SLC2A13: variants seen among roughly 807,000 people sequenced by gnomAD.
SLC2A13 encodes the protein solute carrier family 2 member 13, also known as proton myo-inositol cotransporter.
A neutral mutation model predicts 64.4 loss-of-function variants in SLC2A13; 32 were observed. That is an observed-to-expected ratio of 0.50 (90% confidence interval 0.37 to 0.67). The LOEUF is 0.67. SLC2A13 is among the 30% of genes least tolerant of loss of function. The pLI, the probability that SLC2A13 is intolerant of heterozygous loss-of-function variation, is 0.00. For missense variants in SLC2A13, 743 were observed against 829.2 expected, an observed-to-expected ratio of 0.90 and a Z score of 1.28; for synonymous variants, 338 against 327.1, an observed-to-expected ratio of 1.03 and a Z score of -0.36.
Position 39,903,012 on chromosome 12 carries a change from T to G in SLC2A13, c.1035-31051A>C, listed in dbSNP as rs113289149. 7.0e-4 allele frequency among the ~76,000 whole-genome samples: 107 copies of G among 152,284 alleles called. 1 individual carries two copies. The highest frequency in any genetic ancestry group is 2.5e-3 in the African/African-American group (105 of 41,580). ...TCCTTTCTTCAAGGTGATGGAAAGT[T>G]AAATTACTGTGCTCAGGAGATGAGT... On this transcript the variant is annotated intron_variant, in intron 4 of 9. Coordinates refer to ENST00000280871, the MANE Select transcript of SLC2A13 (RefSeq NM_052885.4).
At chr12:39,838,456 C>A (rs1258209070) in intron 6 of SLC2A13, among the ~76,000 whole-genome samples, 2 of 137,892 alleles carry the variant, frequency 1.5e-5, no homozygotes, top group African/African-American at 5.5e-5. Flanking sequence ...CTAACCTGCA[C>A]AATGTGCACA....
At chr12:40,043,230 C>T (rs1948121843) in intron 2 of SLC2A13, among the ~76,000 whole-genome samples, 1 of 152,058 alleles carries the variant, frequency 6.6e-6, no homozygotes, top group Non-Finnish European at 1.5e-5. Flanking sequence ...TATATATTTA[C>T]TGATAAGCCA....
At chr12:39,951,980 CGT>C (rs889271050) in intron 3 of SLC2A13, among the ~76,000 whole-genome samples, 6 of 150,648 alleles carry the variant, frequency 4.0e-5, no homozygotes, top group South Asian at 2.1e-4. Flanking sequence ...TGTGTGTGTA[CGT>C]GTGTGTGTGT....
chr12:40,091,902 GTTTAACT>G (rs1030513740), intron 1 of SLC2A13, among the ~76,000 whole-genome samples: 1 of 152,154 alleles, frequency 6.6e-6, no homozygotes, highest in Non-Finnish European at 1.5e-5. Context: ...CAGGAATTAC[GTTTAACT>G]TTTAACAGAA....
chr12:40,045,958 A>T (rs912731467), intron 2 of SLC2A13, among the ~76,000 whole-genome samples: 3 of 152,206 alleles, frequency 2.0e-5, no homozygotes, highest in African/African-American at 7.2e-5. Context: ...AAGAAAACAG[A>T]TAACACAGAA....
intron 3 of SLC2A13, among the ~76,000 whole-genome samples, chr12:39,954,763 A>G (rs1351610255): frequency 6.6e-6 from 1 of 152,228 alleles, no homozygotes; most frequent in Non-Finnish European, 1.5e-5. Flanking sequence ...CAAAGGCAGG[A>G]AAATACAATT....
chr12:40,093,631 G>A (rs1038806723), intron 1 of SLC2A13, among the ~76,000 whole-genome samples: 2 of 152,174 alleles, frequency 1.3e-5, no homozygotes, highest in Admixed American at 1.3e-4. Context: ...CCGCTAAGAA[G>A]AGATGCTTGA....
chr12:39,990,881 T>C (rs906626334), intron 3 of SLC2A13, among the ~76,000 whole-genome samples: 1 of 152,162 alleles, frequency 6.6e-6, no homozygotes, highest in Non-Finnish European at 1.5e-5. Flanking sequence ...TTAGTCTCAA[T>C]TGTATTCGAT....
intron 4 of SLC2A13, among the ~76,000 whole-genome samples, chr12:39,912,332 G>T (rs538620258): frequency 1.7e-4 from 26 of 151,996 alleles, no homozygotes; most frequent in African/African-American, 6.0e-4. Context: ...ATTCTGTGAG[G>T]ACTATCAATT....
chr12:40,090,954 G>A (rs1294321657), intron 1 of SLC2A13, among the ~76,000 whole-genome samples: 2 of 152,066 alleles, frequency 1.3e-5, no homozygotes, highest in African/African-American at 2.4e-5. Context: ...TAGCCACAGC[G>A]ACACATTCTC....
chr12:40,017,366 A>G (rs1418912929), intron 3 of SLC2A13, among the ~76,000 whole-genome samples: 4 of 152,192 alleles, frequency 2.6e-5, no homozygotes, highest in Non-Finnish European at 5.9e-5. Context: ...ATTCCAATAT[A>G]AGATTACTTC....
intron 2 of SLC2A13, among the ~76,000 whole-genome samples, chr12:40,037,630 C>CA (rs36117892): frequency 0.11 from 7,874 of 73,650 alleles, 473 homozygotes; most frequent in Middle Eastern, 0.19. Context: ...ACTCAGGTCT[C>CA]AAAAAAAAAA....
chr12:40,055,905 T>A (rs1948325765), intron 1 of SLC2A13, among the ~76,000 whole-genome samples: 1 of 150,366 alleles, frequency 6.7e-6, no homozygotes, highest in African/African-American at 2.5e-5. Context: ...GTACCACAAA[T>A]ATAGGAGACC....
intron 7 of SLC2A13, among the ~76,000 whole-genome samples, chr12:39,781,449 C>T (rs1258043709): frequency 6.6e-6 from 1 of 152,190 alleles, no homozygotes; most frequent in East Asian, 1.9e-4. Context: ...CACCACTATG[C>T]CCCAGGGGCT....
intron 2 of SLC2A13, among the ~76,000 whole-genome samples, chr12:40,036,118 CT>C (rs1383367602): frequency 6.6e-6 from 1 of 152,162 alleles, no homozygotes; most frequent in African/African-American, 2.4e-5. Flanking sequence ...GTAACCTATA[CT>C]CCAGTAATCA....
rs1379855703 is a variant in SLC2A13, at chr12:40,105,162, G to A, written c.556+91C>T. On this transcript the variant is annotated intron_variant, in intron 1 of 9. Transcript: ENST00000280871. This position sits in a 1 kb window ranked among gnomAD's most constrained non-coding sequence, Gnocchi z 4.2. ...ATTCTCTGACCCTGGGAGACCAGAC[G>A]GGGACCCCGATGGGCAAGAGGCACG... The A allele has an allele frequency of 1.4e-6, 2 of 1,406,358 alleles. No homozygotes were observed. Among genetic ancestry groups the A allele is most frequent in the African/African-American group, 1.5e-5 (1 of 65,926 alleles). 87.1% of individuals were successfully genotyped at this position (1,406,358 alleles called of 1,614,324 possible). A position where few individuals can be genotyped will look rare whatever the true frequency, so the allele number is the denominator to read the frequency against.
chr12:40,093,652 G>C (rs17518441), intron 1 of SLC2A13, among the ~76,000 whole-genome samples: 75 of 152,184 alleles, frequency 4.9e-4, no homozygotes, highest in Admixed American at 1.6e-3. Flanking sequence ...GGAAACACAA[G>C]AGAGAAAGGG....
intron 3 of SLC2A13, among the ~76,000 whole-genome samples, chr12:40,020,982 C>A (rs1272185983): frequency 6.6e-6 from 1 of 151,524 alleles, no homozygotes; most frequent in Non-Finnish European, 1.5e-5. Flanking sequence ...TAGTATGAAC[C>A]TAACGGTAAG....
chr12:39,888,515 G>A (rs926348743), intron 4 of SLC2A13, among the ~76,000 whole-genome samples: 2 of 152,180 alleles, frequency 1.3e-5, no homozygotes, highest in African/African-American at 4.8e-5. Context: ...TTGAGCCACT[G>A]TGTCCAGCCC....
Sources: gnomAD v4.1 joint callset for allele counts (sites outside exome capture counted in the v4.1 genomes callset) on GRCh38, gnomAD v4.1.1 for gene constraint, Gnocchi (gnomAD v3.1) non-coding constraint, MANE v1.5 for transcripts, NCBI Gene and HGNC (gene_info 2026-07-23, HGNC 2026-07-21) for gene names.